Variants in RSBN1L observed in about 807,000 individuals in gnomAD.
RSBN1L encodes round spermatid basic protein 1 like, also known as lysine-specific demethylase RSBN1L.
Under a neutral mutation model 67.7 loss-of-function variants are expected in RSBN1L, and 30 were observed. That is an observed-to-expected ratio of 0.44 (90% CI 0.33 to 0.60). The LOEUF (loss-of-function observed/expected upper bound fraction) is 0.60, where lower values mean the gene tolerates loss of function less well. Ranked by LOEUF, RSBN1L falls within the 20% of genes least tolerant of loss-of-function variation. The pLI is 0.02. For missense variants in RSBN1L, 992 were observed against 1,031.7 expected, an observed-to-expected ratio of 0.96 and a Z score of 0.53; for synonymous variants, 433 against 387.0, an observed-to-expected ratio of 1.12 and a Z score of -1.39.
chr7:77,764,721 G>T (rs1000402413), intron 3 of RSBN1L, among the ~76,000 whole-genome samples: 11 of 151,892 alleles, frequency 7.2e-5, no homozygotes, highest in African/African-American at 2.7e-4. Context: ...CCGCCACCCA[G>T]GTTCACGCCA....
At chr7:77,768,000 G>A (rs938639567) in intron 4 of RSBN1L, among the ~76,000 whole-genome samples, 1 of 150,260 alleles carries the variant, frequency 6.7e-6, no homozygotes, top group Non-Finnish European at 1.5e-5. Flanking sequence ...ACAGGTGCGC[G>A]CCACCATGCC....
intron 1 of RSBN1L, among the ~76,000 whole-genome samples, chr7:77,701,557 GTCAATCCTT>G (rs1360870180): frequency 2.3e-4 from 35 of 151,774 alleles, no homozygotes; most frequent in Admixed American, 8.5e-4. Flanking sequence ...TCTGGGGAAT[GTCAATCCTT>G]TCACTGAATT....
Position 77,736,511 on chromosome 7 carries a change from A to C in RSBN1L, c.688A>C (p.Lys230Gln), listed in dbSNP as rs1345421217. ...NEIKKENGEV[K>Q]ILLKSGKEKP... ...GATCAAGAAAGAGAATGGAGAAGTA[A>C]AGATTTTGCTGAAAAGTAAGTTTTA... Residue 230 changes from lysine (K) to glutamine (Q), a missense_variant, in exon 2 of 8, where the codon AAG (lysine) becomes CAG (glutamine). This residue lies in a region of RSBN1L where 575 missense variants were observed against 483.2 expected (regional missense o/e 1.19). Coordinates refer to ENST00000334955, the MANE Select transcript of RSBN1L (RefSeq NM_198467.3). 7 of 1,315,422 alleles carry C rather than the reference A, an allele frequency of 5.3e-6. No homozygotes were observed. In the African/African-American group the frequency reaches 1.1e-4, roughly 20 times the overall value. The allele number at this position is 1,315,422 out of a possible 1,614,324, so 81.5% of individuals were successfully genotyped here. A position where few individuals can be genotyped will look rare whatever the true frequency, so the allele number is the denominator to read the frequency against.
intron 3 of RSBN1L, among the ~76,000 whole-genome samples, chr7:77,759,999 G>C (rs1791678464): frequency 6.6e-6 from 1 of 152,142 alleles, no homozygotes; most frequent in South Asian, 2.1e-4. Context: ...TTTCAAGTGA[G>C]TCGTTCTTTG....
At chr7:77,733,112 A>G (rs2150419889) in intron 1 of RSBN1L, among the ~76,000 whole-genome samples, 3 of 152,284 alleles carry the variant, frequency 2.0e-5, no homozygotes, top group East Asian at 1.9e-4. Context: ...TCAGCAACAT[A>G]GCGAGACCCT....
chr7:77,696,794 G>T lies in RSBN1L; in HGVS notation c.325G>T (p.Gly109Cys), dbSNP rs1790735428. 6.2e-6 allele frequency: 10 copies of T among 1,613,718 alleles called. No homozygotes were observed. Among genetic ancestry groups the T allele is most frequent in the South Asian group, 1.1e-5 (1 of 91,068 alleles). Residue 109 changes from glycine (G) to cysteine (C), a missense_variant, in exon 1 of 8, where the codon GGC becomes TGC. Gly to Cys is a radical substitution (Grantham distance 159). Coordinates refer to ENST00000334955, the MANE Select transcript of RSBN1L (RefSeq NM_198467.3). ...TCGGAGCAGTTTCTCTTTCTCCGCT[G>T]GCACGGCCGTTCCCTCCTCAGCCTC... Reference protein sequence around the residue: ...SSRSSFSFSAGTAVPSSASAS... With the variant: ...SSRSSFSFSACTAVPSSASAS...
At chr7:77,719,296 G>A (rs1258764653) in intron 1 of RSBN1L, among the ~76,000 whole-genome samples, 1 of 152,194 alleles carries the variant, frequency 6.6e-6, no homozygotes, top group Non-Finnish European at 1.5e-5. Flanking sequence ...TTAATTGGTT[G>A]TGTGAAAAAG....
intron 1 of RSBN1L, among the ~76,000 whole-genome samples, chr7:77,728,374 A>G (rs1017465811): frequency 2.0e-5 from 3 of 152,216 alleles, no homozygotes; most frequent in African/African-American, 4.8e-5. Flanking sequence ...GCTTTTTAGC[A>G]TCTGTGTACT....
rs531854440 is a variant in RSBN1L, at chr7:77,763,611, T to C, written c.1345-1884T>C. ...CTTTAACTGTTAGCTCTCTTGATAT[T>C]GGAGATGATAGGAATTTTTAGGCGA... is the stretch of plus-strand genomic sequence containing the variant. On this transcript the variant is annotated intron_variant, in intron 3 of 7. Transcript: ENST00000334955. 2.6e-5 allele frequency among the ~76,000 whole-genome samples: 4 copies of C among 152,328 alleles called. No homozygotes were observed. In the South Asian group the frequency reaches 8.3e-4, roughly 32 times the overall value.
intron 1 of RSBN1L, among the ~76,000 whole-genome samples, chr7:77,729,690 C>T (rs1249576881): frequency 1.3e-5 from 2 of 152,146 alleles, no homozygotes; most frequent in African/African-American, 2.4e-5. Flanking sequence ...CAGTGGCTCA[C>T]CACTGTAATC....
intron 2 of RSBN1L, among the ~76,000 whole-genome samples, chr7:77,737,807 G>C (rs543518768): frequency 1.7e-4 from 26 of 152,262 alleles, no homozygotes; most frequent in African/African-American, 6.0e-4. Flanking sequence ...TGGATCACTT[G>C]AGGTCAGGAG....
intron 1 of RSBN1L, among the ~76,000 whole-genome samples, chr7:77,732,210 A>G (rs550961181): frequency 1.4e-4 from 21 of 152,368 alleles, no homozygotes; most frequent in African/African-American, 4.8e-4. Context: ...GGTCACAGAA[A>G]TAAATGAATA....
chr7:77,740,727 C>CATAA (rs1791397512), intron 2 of RSBN1L, among the ~76,000 whole-genome samples: 1 of 151,396 alleles, frequency 6.6e-6, no homozygotes, highest in Non-Finnish European at 1.5e-5. Context: ...TTTTATTTTT[C>CATAA]TTTTCATAAT....
At chr7:77,722,170 G>T (rs1318396986) in intron 1 of RSBN1L, among the ~76,000 whole-genome samples, 1 of 152,160 alleles carries the variant, frequency 6.6e-6, no homozygotes, top group African/African-American at 2.4e-5. Flanking sequence ...ATATTAGAAA[G>T]ATGATATTTT....
chr7:77,696,738 CT>C lies in RSBN1L; in HGVS notation c.270del (p.Leu91CysfsTer100). Reference protein sequence around the residue: ...YGSPASWSFAPLSAAPSPSSS... With the variant: ...YGSPASWSFAXLSAAPSPSSS... ...AGCCCCGCGTCTTGGAGCTTTGCCC[CT>C]CTGTCTGCTGCTCCCTCCCCGTCCT... On this transcript the variant is annotated frameshift_variant, in exon 1 of 8. Coordinates refer to ENST00000334955, the MANE Select transcript of RSBN1L (RefSeq NM_198467.3). LOFTEE classifies it high-confidence loss of function. 1 of 1,613,764 alleles carries C rather than the reference CT, an allele frequency of 6.2e-7. No individual in the cohort carries two copies. Among genetic ancestry groups the C allele is most frequent in the Non-Finnish European group, 8.5e-7 (1 of 1,179,986 alleles).
intron 3 of RSBN1L, among the ~76,000 whole-genome samples, chr7:77,759,049 A>G (rs1333515215): frequency 6.6e-6 from 1 of 152,202 alleles, no homozygotes; most frequent in African/African-American, 2.4e-5. Context: ...TTAAAAGTCT[A>G]TTATTTTAAT....
Position 77,772,796 on chromosome 7 carries a change from C to A in RSBN1L, c.1626-351C>A, listed in dbSNP as rs544841037. 1.4e-4 allele frequency among the ~76,000 whole-genome samples: 21 copies of A among 152,264 alleles called. No homozygotes were observed. In the South Asian group the frequency reaches 3.7e-3, roughly 27 times the overall value. On this transcript the variant is annotated intron_variant, in intron 5 of 7. Transcript: ENST00000334955. ...TGAATTAATGCATTTTTAAAAGTTACCCATTTGTTTCAGATATATATCTAT... is the reference window on the plus strand; with the variant it reads ...TGAATTAATGCATTTTTAAAAGTTAACCATTTGTTTCAGATATATATCTAT...
chr7:77,699,101 T>C (rs1562791217), intron 1 of RSBN1L, among the ~76,000 whole-genome samples: 1 of 152,234 alleles, frequency 6.6e-6, no homozygotes, highest in Non-Finnish European at 1.5e-5. Context: ...ATCATTTCTC[T>C]GTGCTTTTTG....
intron 3 of RSBN1L, among the ~76,000 whole-genome samples, chr7:77,754,100 C>T (rs868212340): frequency 3.3e-5 from 5 of 152,106 alleles, no homozygotes; most frequent in South Asian, 2.1e-4. Flanking sequence ...TGCAATGGTA[C>T]GATCATAGTG....
Sources: allele counts gnomAD v4.1 joint callset (sites outside exome capture counted in the v4.1 genomes callset), GRCh38; gene constraint gnomAD v4.1.1; regional missense constraint gnomAD v4.1.1; transcripts MANE v1.5; gene names NCBI Gene and HGNC (gene_info 2026-07-23, HGNC 2026-07-21).